Variants in CD99L2 observed in about 807,000 individuals in gnomAD.
CD99L2 encodes the protein CD99 molecule like 2.
In CD99L2, 24 loss-of-function variants were observed where a neutral mutation model predicts 27.3. The ratio of observed to expected loss-of-function variants is 0.88; its 90% confidence interval spans 0.64 to 1.24. The LOEUF is 1.24. Among genes scored for constraint, CD99L2 ranks in the 50% most tolerant of loss-of-function variants. The probability of loss-of-function intolerance (pLI) is 0.00; values close to 1 mark genes in which losing one functional copy is unlikely to be tolerated. For synonymous variants in CD99L2, 97 were observed against 87.9 expected (o/e 1.10, Z -0.58); for missense variants, 255 against 221.6 (o/e 1.15, Z -0.96).
Position 150,772,193 on chromosome X carries a change from G to A in CD99L2, c.656-1824C>T, listed in dbSNP as rs782723428. ...CTCCTCCTGATTCTGGCCCGGGCCA[G>A]GTGCCAGGGACATGATGTACACGCA... On this transcript the variant is annotated intron_variant, in intron 9 of 10. Coordinates refer to ENST00000370377, the MANE Select transcript of CD99L2 (RefSeq NM_031462.4). 2.0e-3 allele frequency among the ~76,000 whole-genome samples: 221 copies of A among 112,931 alleles called. 1 individual carries two copies. Among genetic ancestry groups the A allele is most frequent in the African/African-American group, 6.7e-3 (208 of 31,173 alleles).
At chrX:150,773,085 T>C (rs1256612340) in intron 9 of CD99L2, among the ~76,000 whole-genome samples, 1 of 112,792 alleles carries the variant, frequency 8.9e-6, no homozygotes, top group Admixed American at 9.3e-5. Flanking sequence ...GATGTTCACT[T>C]TGTGCTTTGG....
At chrX:150,866,142 A>G (rs1557422025) in intron 1 of CD99L2, among the ~76,000 whole-genome samples, 2 of 111,404 alleles carry the variant, frequency 1.8e-5, no homozygotes, top group African/African-American at 6.5e-5. Flanking sequence ...AACAAAATAA[A>G]AAACCAATTT....
intron 9 of CD99L2, among the ~76,000 whole-genome samples, chrX:150,775,797 C>T (rs920063681): frequency 4.5e-5 from 5 of 112,102 alleles, no homozygotes; most frequent in African/African-American, 1.6e-4. Context: ...GACGCAGGGC[C>T]TCCAAAGGCC....
intron 1 of CD99L2, among the ~76,000 whole-genome samples, chrX:150,833,173 G>A (rs1557421115): frequency 9.1e-6 from 1 of 109,482 alleles, no homozygotes; most frequent in Non-Finnish European, 1.9e-5. Flanking sequence ...TTTGAACAAT[G>A]AACTGTCTGA....
At chrX:150,847,576 T>A (rs1224134402) in intron 1 of CD99L2, among the ~76,000 whole-genome samples, 1 of 110,480 alleles carries the variant, frequency 9.1e-6, no homozygotes, top group African/African-American at 3.3e-5. Context: ...ACCAAACTCA[T>A]AAAATGACTA....
intron 1 of CD99L2, among the ~76,000 whole-genome samples, chrX:150,894,437 CAG>C (rs1189202408): frequency 1.8e-5 from 2 of 112,170 alleles, no homozygotes; most frequent in Non-Finnish European, 3.8e-5. Context: ...GCAAATGGGA[CAG>C]AGTCATAGCA....
chrX:150,874,590 G>C (rs960695383), intron 1 of CD99L2, among the ~76,000 whole-genome samples: 2 of 111,033 alleles, frequency 1.8e-5, no homozygotes, highest in Admixed American at 1.9e-4. Context: ...GGGAAGTATC[G>C]CAGGAGAGGG....
chrX:150,874,442 C>T (rs1557422259), intron 1 of CD99L2, among the ~76,000 whole-genome samples: 1 of 110,250 alleles, frequency 9.1e-6, no homozygotes, highest in African/African-American at 3.3e-5. Flanking sequence ...AAGAGGAAGG[C>T]AGGTGAGAAA....
At chrX:150,850,185 T>C (rs1210422234) in intron 1 of CD99L2, among the ~76,000 whole-genome samples, 1 of 111,833 alleles carries the variant, frequency 8.9e-6, no homozygotes, top group East Asian at 2.8e-4. Context: ...CTGATCAGGT[T>C]GGAGAGGGAA....
chrX:150,827,635 A>G, intron 2 of CD99L2, among the ~76,000 whole-genome samples: 1 of 111,680 alleles, frequency 9.0e-6, no homozygotes, highest in African/African-American at 3.3e-5. Context: ...TTGCTAATAA[A>G]TTAAGTGTAT....
At chrX:150,885,701 TATA>T (rs1557422616) in intron 1 of CD99L2, among the ~76,000 whole-genome samples, 1 of 112,276 alleles carries the variant, frequency 8.9e-6, no homozygotes, top group Non-Finnish European at 1.9e-5. Context: ...CCGGAGGGTA[TATA>T]ATGTTATCTT....
intron 1 of CD99L2, 97 bp from the exon 2 acceptor site, chrX:150,831,390 G>T (rs966882350): frequency 4.1e-6 from 3 of 728,781 alleles, no homozygotes; most frequent in Non-Finnish European, 6.0e-6. Context: ...GAAAGTGAAG[G>T]AATAACAAAA....
intron 1 of CD99L2, among the ~76,000 whole-genome samples, chrX:150,846,114 C>T (rs1603305016): frequency 8.9e-6 from 1 of 112,548 alleles, no homozygotes; most frequent in Non-Finnish European, 1.9e-5. Context: ...ATCGCTTGAA[C>T]CCGGAAGGCG....
chrX:150,879,750 T>TAAAAAA, intron 1 of CD99L2, among the ~76,000 whole-genome samples: 1 of 19,383 alleles, frequency 5.2e-5, no homozygotes, highest in Non-Finnish European at 8.6e-5. Context: ...CTACAAAAAC[T>TAAAAAA]AAAAAAAAAA....
intron 2 of CD99L2, chrX:150,819,078 T>C (rs1363574511): frequency 6.3e-6 from 2 of 316,201 alleles, no homozygotes; most frequent in Middle Eastern, 7.9e-4. Context: ...ATACAAATGG[T>C]TCCCAGTTTT....
intron 7 of CD99L2, among the ~76,000 whole-genome samples, chrX:150,793,394 C>T (rs782120683): frequency 3.6e-5 from 4 of 112,638 alleles, no homozygotes; most frequent in Non-Finnish European, 7.5e-5. Flanking sequence ...CCACTGGCCC[C>T]CAGTTATTAT....
chrX:150,769,348 C>A (rs1484131409), intron 10 of CD99L2, among the ~76,000 whole-genome samples: 2 of 112,179 alleles, frequency 1.8e-5, no homozygotes, highest in African/African-American at 6.5e-5. Context: ...TGAGCGTGTT[C>A]CTGCCAGCGC....
At chrX:150,791,003 G>A (rs1557419695) in intron 7 of CD99L2, among the ~76,000 whole-genome samples, 1 of 110,723 alleles carries the variant, frequency 9.0e-6, no homozygotes, top group Admixed American at 9.6e-5. Flanking sequence ...CTTATAAGAA[G>A]AGACACCAGA....
At chrX:150,843,388 G>A (rs553357139) in intron 1 of CD99L2, among the ~76,000 whole-genome samples, 388 of 111,054 alleles carry the variant, frequency 3.5e-3, no homozygotes, top group Non-Finnish European at 4.6e-3. Flanking sequence ...AGTGGCTCAC[G>A]CCTGTAATCC....
Sources: gnomAD v4.1 joint callset for allele counts (sites outside exome capture counted in the v4.1 genomes callset) on GRCh38, gnomAD v4.1.1 for gene constraint, MANE v1.5 for transcripts, NCBI Gene and HGNC (gene_info 2026-07-23, HGNC 2026-07-21) for gene names.